The following ADAM12 variants were observed in gnomAD, a reference collection of about 807,000 sequenced individuals.
ADAM12 encodes the protein ADAM metallopeptidase domain 12.
ADAM12 carries 70 observed loss-of-function variants against 106.4 expected under a neutral mutation model. The ratio of observed to expected loss-of-function variants is 0.66; its 90% CI spans 0.54 to 0.80. The LOEUF (loss-of-function observed/expected upper bound fraction) is 0.80. Ranked by LOEUF, ADAM12 falls within the 30% of genes least tolerant of loss-of-function variation. The pLI, the probability that ADAM12 is intolerant of heterozygous loss-of-function variation, is 0.00. For synonymous variants in ADAM12, 420 were observed against 433.5 expected (o/e 0.97, Z 0.39); for missense variants, 1,010 against 1,171.9 (o/e 0.86, Z 2.02).
At chr10:126,317,702 T>C (rs1853933629) in intron 2 of ADAM12, among the ~76,000 whole-genome samples, 1 of 152,220 alleles carries the variant, frequency 6.6e-6, no homozygotes, top group East Asian at 1.9e-4. Context: ...ATTTTATTTA[T>C]GTCTATAGGT....
intron 8 of ADAM12, among the ~76,000 whole-genome samples, chr10:126,106,897 C>A (rs1247826953): frequency 6.6e-6 from 1 of 152,180 alleles, no homozygotes; most frequent in African/African-American, 2.4e-5. Context: ...TGTCTCTCCC[C>A]TGCTTAAAAA....
chr10:126,229,003 C>T (rs1230146753), intron 3 of ADAM12, among the ~76,000 whole-genome samples: 3 of 152,196 alleles, frequency 2.0e-5, no homozygotes, highest in African/African-American at 7.2e-5. Context: ...AAATCCAATA[C>T]CTTTTTGTGG....
At chr10:126,040,670 T>C (rs1954144606) in intron 18 of ADAM12, among the ~76,000 whole-genome samples, 1 of 152,178 alleles carries the variant, frequency 6.6e-6, no homozygotes, top group Admixed American at 6.5e-5. Context: ...CACAGGGGGC[T>C]CTAGCTAGAG....
chr10:126,096,693 A>G (rs1017718153), intron 10 of ADAM12, among the ~76,000 whole-genome samples: 1 of 152,232 alleles, frequency 6.6e-6, no homozygotes, highest in African/African-American at 2.4e-5. Context: ...CAAGATGTTG[A>G]TCTTGCTGAT....
At chr10:126,255,491 G>A (rs577960278) in intron 3 of ADAM12, among the ~76,000 whole-genome samples, 2 of 152,148 alleles carry the variant, frequency 1.3e-5, no homozygotes, top group South Asian at 2.1e-4. Context: ...GGTCCAATAA[G>A]GCAGTTTAAA....
At chr10:126,336,427 C>T (rs1386727536) in intron 1 of ADAM12, among the ~76,000 whole-genome samples, 1 of 152,208 alleles carries the variant, frequency 6.6e-6, no homozygotes, top group Non-Finnish European at 1.5e-5. Flanking sequence ...ATTCACTGCT[C>T]TTCTGACATT....
At chr10:126,127,099 A>G (rs1419139931) in intron 5 of ADAM12, among the ~76,000 whole-genome samples, 3 of 152,208 alleles carry the variant, frequency 2.0e-5, no homozygotes, top group Admixed American at 1.3e-4. Flanking sequence ...ATGTCCAACA[A>G]TATCTGCAAA....
chr10:126,187,254 G>A (rs185534595), intron 3 of ADAM12, among the ~76,000 whole-genome samples: 97 of 151,642 alleles, frequency 6.4e-4, no homozygotes, highest in African/African-American at 2.2e-3. Context: ...CACTCTGATC[G>A]TCTCTGCATG....
intron 8 of ADAM12, among the ~76,000 whole-genome samples, chr10:126,104,392 G>A (rs975512506): frequency 6.0e-5 from 9 of 150,714 alleles, no homozygotes; most frequent in Non-Finnish European, 1.3e-4. Context: ...GGAGGCTGCA[G>A]TGAGCCAAGA....
intron 3 of ADAM12, among the ~76,000 whole-genome samples, chr10:126,233,360 A>G (rs1181185685): frequency 1.3e-5 from 2 of 152,142 alleles, no homozygotes; most frequent in Non-Finnish European, 2.9e-5. Context: ...ACTGTGCCGG[A>G]TACAGTGGAG....
At chr10:126,244,929 A>G (rs1265790150) in intron 3 of ADAM12, among the ~76,000 whole-genome samples, 1 of 152,230 alleles carries the variant, frequency 6.6e-6, no homozygotes, top group Non-Finnish European at 1.5e-5. Flanking sequence ...ATTCCACACA[A>G]GAGAACAGGA....
intron 16 of ADAM12, among the ~76,000 whole-genome samples, chr10:126,046,791 G>T (rs2133429067): frequency 9.5e-6 from 1 of 105,042 alleles, no homozygotes; most frequent in Non-Finnish European, 1.7e-5. Context: ...GACAGAGAGA[G>T]ATTCCGTCTC....
At chr10:126,370,997 G>A (rs1366027405) in intron 1 of ADAM12, among the ~76,000 whole-genome samples, 5 of 152,160 alleles carry the variant, frequency 3.3e-5, no homozygotes, top group South Asian at 2.1e-4. Flanking sequence ...GTTAAATGCC[G>A]GTGTCATCAC....
chr10:126,357,504 C>T (rs1855584031), intron 1 of ADAM12, among the ~76,000 whole-genome samples: 1 of 152,152 alleles, frequency 6.6e-6, no homozygotes, highest in Non-Finnish European at 1.5e-5. Context: ...AACCTGATGG[C>T]TTCTGTATTA....
intron 11 of ADAM12, among the ~76,000 whole-genome samples, chr10:126,077,886 T>C (rs552027451): frequency 6.6e-6 from 1 of 152,300 alleles, no homozygotes; most frequent in Non-Finnish European, 1.5e-5. Context: ...TGCTCTAAGA[T>C]AGTCTCATTT....
intron 3 of ADAM12, among the ~76,000 whole-genome samples, chr10:126,248,496 G>A (rs1465291824): frequency 6.6e-6 from 1 of 152,110 alleles, no homozygotes; most frequent in Admixed American, 6.5e-5. Context: ...TGATTGTGCT[G>A]CTTTGGCTTC....
chr10:126,036,182 T>A lies in ADAM12; in HGVS notation c.2493A>T (p.Arg831Ser). The A allele has an allele frequency of 6.6e-7, 1 of 1,505,480 alleles. No homozygotes were observed. The highest frequency in any genetic ancestry group is 1.4e-5 in the African/African-American group (1 of 69,174). 93.3% of individuals were successfully genotyped at this position (1,505,480 alleles called of 1,614,324 possible). The change falls in exon 21 of 23, where the codon AGA becomes AGT. Residue 831 changes from arginine to serine, a missense_variant. Coordinates refer to ENST00000448723, the MANE Select transcript of ADAM12 (RefSeq NM_001288973.2). ...TAAGTGCAGGCTTGGCTGGCAGGGG[T>A]CTGGCAGGGACGCTAGGTGCACGTG... is the stretch of plus-strand genomic sequence containing the variant. ...RAPRAPSVPA[R>S]PLPAKPALRQ...
At chr10:126,366,303 T>C (rs1855908040) in intron 1 of ADAM12, among the ~76,000 whole-genome samples, 1 of 152,144 alleles carries the variant, frequency 6.6e-6, no homozygotes, top group Admixed American at 6.6e-5. Flanking sequence ...ATAAAACTAC[T>C]GTATGAAAAC....
chr10:126,359,209 T>C (rs909745481), intron 1 of ADAM12, among the ~76,000 whole-genome samples: 1 of 152,148 alleles, frequency 6.6e-6, no homozygotes, highest in Non-Finnish European at 1.5e-5. Flanking sequence ...CAAGATGAGA[T>C]TTGGGTGGGG....
Sources: gnomAD v4.1 joint callset for allele counts (sites outside exome capture counted in the v4.1 genomes callset) on GRCh38, gnomAD v4.1.1 for gene constraint, MANE v1.5 for transcripts, NCBI Gene and HGNC (gene_info 2026-07-23, HGNC 2026-07-21) for gene names.